The following SLC39A11 variants were observed in gnomAD, a reference collection of about 807,000 sequenced individuals.
SLC39A11 encodes zinc transporter ZIP11.
A neutral mutation model predicts 36.1 loss-of-function variants in SLC39A11; 33 were observed. The observed-to-expected ratio is 0.91, with a 90% CI of 0.69 to 1.22. SLC39A11 has a LOEUF of 1.22. Among genes scored for constraint, SLC39A11 ranks in the 50% most tolerant of loss-of-function variants. SLC39A11 has a pLI of 0.00. For synonymous variants in SLC39A11, 166 were observed against 170.3 expected (o/e 0.97, Z 0.20); for missense variants, 432 against 430.3 (o/e 1.00, Z -0.03).
intron 7 of SLC39A11, among the ~76,000 whole-genome samples, chr17:72,658,849 G>A (rs1176869331): frequency 6.6e-6 from 1 of 152,100 alleles, no homozygotes; most frequent in Non-Finnish European, 1.5e-5. Flanking sequence ...TGAAGTGCCA[G>A]GCTTATCTCG....
intron 4 of SLC39A11, among the ~76,000 whole-genome samples, chr17:72,951,734 G>C (rs1388006182): frequency 6.6e-6 from 1 of 152,132 alleles, no homozygotes; most frequent in Non-Finnish European, 1.5e-5. Context: ...TTTGTGCCGG[G>C]TGATGTTCCA....
intron 6 of SLC39A11, among the ~76,000 whole-genome samples, chr17:72,835,486 G>C (rs1242398093): frequency 6.6e-6 from 1 of 152,122 alleles, no homozygotes; most frequent in African/African-American, 2.4e-5. Flanking sequence ...TATTGAGACA[G>C]GTCTTGCTCT....
intron 4 of SLC39A11, among the ~76,000 whole-genome samples, chr17:72,948,789 C>T (rs935758027): frequency 1.3e-5 from 2 of 152,212 alleles, no homozygotes; most frequent in African/African-American, 2.4e-5. Flanking sequence ...TAACTGCCAA[C>T]TCTGTGTATA....
At chr17:72,669,103 A>G (rs2070881449) in intron 7 of SLC39A11, among the ~76,000 whole-genome samples, 2 of 152,162 alleles carry the variant, frequency 1.3e-5, no homozygotes, top group African/African-American at 2.4e-5. Flanking sequence ...TCAATGTTAA[A>G]TTTTCTGGAT....
intron 3 of SLC39A11, among the ~76,000 whole-genome samples, chr17:73,039,671 T>C (rs1259007610): frequency 6.6e-6 from 1 of 152,150 alleles, no homozygotes. Flanking sequence ...GGGTGAGTAA[T>C]TGTTTAAAAT....
chr17:73,021,990 G>A (rs754229981), intron 4 of SLC39A11, among the ~76,000 whole-genome samples: 1 of 152,358 alleles, frequency 6.6e-6, no homozygotes, highest in East Asian at 1.9e-4. Context: ...GGGGTCCTCC[G>A]GGAATATATA....
chr17:72,673,371 G>A (rs2071102889), intron 7 of SLC39A11, among the ~76,000 whole-genome samples: 1 of 152,076 alleles, frequency 6.6e-6, no homozygotes, highest in Admixed American at 6.6e-5. Context: ...CCAAAGTGCT[G>A]GGATTACAAG....
At chr17:72,971,108 C>T (rs909216605) in intron 4 of SLC39A11, among the ~76,000 whole-genome samples, 2 of 152,206 alleles carry the variant, frequency 1.3e-5, no homozygotes, top group Non-Finnish European at 2.9e-5. Context: ...GCTTTCTGAT[C>T]AGTCTCTGCT....
At chr17:72,863,595 C>T (rs1474095608) in intron 5 of SLC39A11, among the ~76,000 whole-genome samples, 3 of 152,214 alleles carry the variant, frequency 2.0e-5, no homozygotes, top group African/African-American at 7.2e-5. Context: ...TAAACCACCT[C>T]AAGTGGCAAG....
In SLC39A11 at chr17:72,832,362, C is replaced by A. The variant is rs139113794; in HGVS notation, c.601+17272G>T. Among the ~76,000 whole-genome samples the A allele has an allele frequency of 1.1e-3, 166 of 152,334 alleles. 4 individuals carry two copies. Among genetic ancestry groups the A allele is most frequent in the Non-Finnish European group, 4.3e-4 (29 of 68,028 alleles). On this transcript the variant is annotated intron_variant, in intron 6 of 9. Coordinates refer to ENST00000255559, the MANE Select transcript of SLC39A11 (RefSeq NM_139177.4). ...ATACTGATTTTGCAGACTTCTACCC[C>A]CTCGAATATTCTGTGGAGAACAACC... is the stretch of plus-strand genomic sequence containing the variant.
intron 6 of SLC39A11, chr17:72,838,226 C>T (rs2078653724): frequency 2.7e-6 from 1 of 376,660 alleles, no homozygotes; most frequent in Non-Finnish European, 4.6e-6. Flanking sequence ...TTTTTCTTTC[C>T]TTTTCTTTTT....
At chr17:72,665,391 T>G (rs1051719350) in intron 7 of SLC39A11, among the ~76,000 whole-genome samples, 9 of 108,892 alleles carry the variant, frequency 8.3e-5, no homozygotes, top group African/African-American at 3.1e-4. Context: ...TTTGAGGTGT[T>G]TTTTTTTTTT....
intron 6 of SLC39A11, among the ~76,000 whole-genome samples, chr17:72,803,958 C>A (rs1030799509): frequency 1.4e-5 from 2 of 145,238 alleles, no homozygotes; most frequent in Non-Finnish European, 1.5e-5. Flanking sequence ...TATGCCAGAG[C>A]TGTTAAACCT....
intron 3 of SLC39A11, among the ~76,000 whole-genome samples, chr17:73,067,469 A>G (rs1298711352): frequency 2.0e-5 from 3 of 152,234 alleles, no homozygotes; most frequent in Admixed American, 6.5e-5. Flanking sequence ...TGACTCCATG[A>G]ACCTATTTTC....
chr17:72,738,264 A>G (rs2074520858), intron 6 of SLC39A11, among the ~76,000 whole-genome samples: 1 of 152,166 alleles, frequency 6.6e-6, no homozygotes, highest in African/African-American at 2.4e-5. Flanking sequence ...TCAGCCTCCC[A>G]AAGTGCTGGG....
chr17:72,923,408 A>C (rs911153026), intron 5 of SLC39A11, among the ~76,000 whole-genome samples: 1 of 152,234 alleles, frequency 6.6e-6, no homozygotes, highest in Non-Finnish European at 1.5e-5. Flanking sequence ...TGCAGCCTGC[A>C]TATATACAAA....
intron 5 of SLC39A11, among the ~76,000 whole-genome samples, chr17:72,917,476 G>A (rs1333599252): frequency 6.6e-6 from 1 of 152,210 alleles, no homozygotes; most frequent in East Asian, 1.9e-4. Flanking sequence ...TGGAGCATGT[G>A]AGGGACAAAG....
chr17:72,972,912 A>G (rs1029745938), intron 4 of SLC39A11, among the ~76,000 whole-genome samples: 5 of 152,060 alleles, frequency 3.3e-5, no homozygotes, highest in Admixed American at 3.3e-4. Context: ...GGTCTCAAAA[A>G]TAAACACCAA....
intron 7 of SLC39A11, among the ~76,000 whole-genome samples, chr17:72,676,832 T>C (rs1439445314): frequency 1.3e-5 from 2 of 152,136 alleles, no homozygotes; most frequent in South Asian, 2.1e-4. Context: ...CGGGCACTGG[T>C]TCTCGAATGA....
Sources: allele counts gnomAD v4.1 joint callset (sites outside exome capture counted in the v4.1 genomes callset), GRCh38; gene constraint gnomAD v4.1.1; transcripts MANE v1.5; gene names NCBI Gene and HGNC (gene_info 2026-07-23, HGNC 2026-07-21).